The following TRAF3 variants were observed in gnomAD, a reference collection of about 807,000 sequenced individuals.
TRAF3 encodes TNF receptor associated factor 3.
In TRAF3, 13 loss-of-function variants were observed where a neutral mutation model predicts 62.3. The ratio of observed to expected loss-of-function variants is 0.21; its 90% CI spans 0.14 to 0.33. The LOEUF (loss-of-function observed/expected upper bound fraction) is 0.33, where lower values mean the gene tolerates loss of function less well. TRAF3 is among the 10% of genes least tolerant of loss of function. The pLI, the probability that TRAF3 is intolerant of heterozygous loss-of-function variation, is 1.00. For synonymous variants in TRAF3, 269 were observed against 283.4 expected, an observed-to-expected ratio of 0.95 and a Z score of 0.51; for missense variants, 440 against 741.8, an observed-to-expected ratio of 0.59 and a Z score of 4.73.
At chr14:102,818,806 A>G (rs1899708172) in intron 1 of TRAF3, among the ~76,000 whole-genome samples, 1 of 152,236 alleles carries the variant, frequency 6.6e-6, no homozygotes, top group East Asian at 1.9e-4. Flanking sequence ...AAATTGCTAA[A>G]GAGTAGATCT....
intron 9 of TRAF3, among the ~76,000 whole-genome samples, chr14:102,895,981 C>T (rs1242201200): frequency 6.6e-6 from 1 of 152,220 alleles, no homozygotes; most frequent in African/African-American, 2.4e-5. Context: ...GTCACGCTCT[C>T]ATTATGTTGG....
rs145456077 is a variant in TRAF3 at position 102,870,254 on chromosome 14, C to T, written c.53C>T (p.Pro18Leu). The stretch of plus-strand genomic sequence containing the variant: ...CCTGGCGCGCTGCAGACTAACCCGC[C>T]GCTAAAGCTGCACACTGACCGCAGT... ...DSPGALQTNPPLKLHTDRSAG... is the reference protein window; with the variant it reads ...DSPGALQTNPLLKLHTDRSAG... Residue 18 changes from proline to leucine, a missense_variant, in exon 3 of 12, where the codon CCG becomes CTG. Around this residue, in one of 6 missense-constraint regions of TRAF3, gnomAD observed 40 missense variants for 38.3 expected, o/e 1.05. Coordinates refer to ENST00000392745, the MANE Select transcript of TRAF3 (RefSeq NM_145725.3). The T allele has an allele frequency of 2.2e-5, 35 of 1,614,068 alleles. No homozygotes were observed. In the South Asian group the frequency reaches 2.4e-4, roughly 11 times the overall value.
chr14:102,889,709 A>G, intron 8 of TRAF3, 75 bp downstream of exon 8: 1 of 1,535,738 alleles, frequency 6.5e-7, no homozygotes, highest in Non-Finnish European at 9.0e-7. Context: ...TAACATTTTA[A>G]CATGCAAGCT....
Position 102,903,563 on chromosome 14 carries a change from G to A in TRAF3, c.1135+134G>A, listed in dbSNP as rs1213153229. 8 of 1,272,124 alleles carry A rather than the reference G, an allele frequency of 6.3e-6. No homozygotes were observed. The highest frequency in any genetic ancestry group is 2.5e-5 in the East Asian group (1 of 39,790). 78.8% of individuals were successfully genotyped at this position (1,272,124 alleles called of 1,614,324 possible). A position where few individuals can be genotyped will look rare whatever the true frequency, so the allele number is the denominator to read the frequency against. ...AGTTTTTTCTAATTATGGGTAACAC[G>A]CAGAGGTGTGATGACTTTCCTACTG... On this transcript the variant is annotated intron_variant, in intron 11 of 11. Transcript: ENST00000392745. This position sits in a 1 kb window ranked among gnomAD's most constrained non-coding sequence, Gnocchi z 6.4.
chr14:102,797,393 A>G (rs965055421), intron 1 of TRAF3, among the ~76,000 whole-genome samples: 8 of 152,234 alleles, frequency 5.3e-5, no homozygotes, highest in Non-Finnish European at 1.2e-4. Flanking sequence ...TAACACTACT[A>G]ATGTAAATGT....
intron 1 of TRAF3, among the ~76,000 whole-genome samples, chr14:102,790,233 T>C (rs1259071072): frequency 1.3e-5 from 2 of 152,206 alleles, no homozygotes; most frequent in Non-Finnish European, 2.9e-5. Context: ...TCTTTGTATG[T>C]TCTTATTTAG....
rs565167631 is a variant in TRAF3, at chr14:102,905,244, C to T, written c.1167C>T (p.Asp389=). 1.5e-5 allele frequency: 25 copies of T among 1,614,120 alleles called. No homozygotes were observed. In the South Asian group the frequency reaches 2.5e-4, roughly 16 times the overall value. ...TGGAGTCCCAGCTGAGCCGGCATGA[C>T]CAGATGCTGAGTGTGCACGACATCC... ...GLLESQLSRH[D]QMLSVHDIRL... Residue 389 remains aspartate, a synonymous_variant, in exon 12 of 12, where the codon GAC becomes GAT. Coordinates refer to ENST00000392745, the MANE Select transcript of TRAF3 (RefSeq NM_145725.3).
At chr14:102,804,195 A>G (rs773599975) in intron 1 of TRAF3, among the ~76,000 whole-genome samples, 20 of 152,068 alleles carry the variant, frequency 1.3e-4, no homozygotes, top group Non-Finnish European at 2.9e-4. Flanking sequence ...TTAAAAAAAA[A>G]AACAAAAAAA....
chr14:102,892,841 A>G (rs1275099011), intron 9 of TRAF3, among the ~76,000 whole-genome samples: 1 of 152,240 alleles, frequency 6.6e-6, no homozygotes, highest in Non-Finnish European at 1.5e-5. Flanking sequence ...CATCCTGTGC[A>G]CACACACGGA....
At chr14:102,881,967 T>C (rs897087998) in intron 6 of TRAF3, among the ~76,000 whole-genome samples, 1 of 152,356 alleles carries the variant, frequency 6.6e-6, no homozygotes, top group African/African-American at 2.4e-5. Context: ...GACCCTGCCC[T>C]GGTTGCTTAG....
chr14:102,874,617 ATAAAAT>A (rs1036411897), intron 4 of TRAF3, among the ~76,000 whole-genome samples: 7 of 151,642 alleles, frequency 4.6e-5, no homozygotes, highest in African/African-American at 1.5e-4. Context: ...TAAGGGAAAA[ATAAAAT>A]TAAAAGTTGA....
intron 2 of TRAF3, among the ~76,000 whole-genome samples, chr14:102,846,638 T>TAAAAAAAAAAAAAAAAA (rs752922791): frequency 4.2e-5 from 3 of 71,786 alleles, no homozygotes; most frequent in African/African-American, 1.9e-4. Flanking sequence ...TCCAGCTTCT[T>TAAAAAAAAAAAAAAAAA]AAAAAAAAAA....
intron 1 of TRAF3, among the ~76,000 whole-genome samples, chr14:102,792,674 G>C (rs1435129779): frequency 6.6e-6 from 1 of 151,744 alleles, no homozygotes; most frequent in Non-Finnish European, 1.5e-5. Context: ...GTAATGTAGT[G>C]TATTGTATTG....
intron 2 of TRAF3, among the ~76,000 whole-genome samples, chr14:102,854,778 G>A (rs1440860707): frequency 6.7e-6 from 1 of 149,960 alleles, no homozygotes; most frequent in Non-Finnish European, 1.5e-5. Flanking sequence ...TGGGATTATA[G>A]GTGTCAGCTG....
chr14:102,877,095 C>T (rs1888718476), intron 6 of TRAF3, among the ~76,000 whole-genome samples: 2 of 148,568 alleles, frequency 1.3e-5, no homozygotes, highest in Middle Eastern at 7.0e-3. Flanking sequence ...ACCTTGTGCT[C>T]GATTCATAGA....
At chr14:102,814,161 TGAA>T (rs1240795416) in intron 1 of TRAF3, among the ~76,000 whole-genome samples, 1 of 152,230 alleles carries the variant, frequency 6.6e-6, no homozygotes, top group Non-Finnish European at 1.5e-5. Context: ...CACCATTTGT[TGAA>T]GAGACTGTCC....
At chr14:102,857,530 C>T (rs147879888) in intron 2 of TRAF3, among the ~76,000 whole-genome samples, 190 of 152,316 alleles carry the variant, frequency 1.2e-3, no homozygotes, top group African/African-American at 3.9e-3. Flanking sequence ...TAAAGCCAAG[C>T]CCAGCCATGG....
At chr14:102,809,449 C>T (rs533657793) in intron 1 of TRAF3, among the ~76,000 whole-genome samples, 20 of 150,786 alleles carry the variant, frequency 1.3e-4, no homozygotes, top group African/African-American at 3.4e-4. Context: ...TTTCTTAAAG[C>T]TCTGTGTCTC....
intron 1 of TRAF3, among the ~76,000 whole-genome samples, chr14:102,819,333 C>T (rs1899753172): frequency 1.3e-5 from 2 of 152,140 alleles, no homozygotes; most frequent in Non-Finnish European, 2.9e-5. Context: ...TTGCCCGCAC[C>T]CACCACCAGC....
Sources: allele counts gnomAD v4.1 joint callset (sites outside exome capture counted in the v4.1 genomes callset), GRCh38; gene constraint gnomAD v4.1.1; regional missense constraint gnomAD v4.1.1; non-coding constraint Gnocchi (gnomAD v3.1); transcripts MANE v1.5; gene names NCBI Gene and HGNC (gene_info 2026-07-23, HGNC 2026-07-21).